Variants in DNER observed in about 807,000 individuals in gnomAD.
DNER encodes the protein delta and Notch-like epidermal growth factor-related receptor.
Under a neutral mutation model 78.2 loss-of-function variants are expected in DNER, and 33 were observed. The ratio of observed to expected loss-of-function variants is 0.42; its 90% CI spans 0.32 to 0.56. The LOEUF (loss-of-function observed/expected upper bound fraction) is 0.56, where lower values mean the gene tolerates loss of function less well. DNER is among the 20% of genes least tolerant of loss of function. The pLI is 0.11. For synonymous variants in DNER, 417 were observed against 384.8 expected (o/e 1.08, Z -0.98); for missense variants, 918 against 975.3 (o/e 0.94, Z 0.78).
Position 229,546,971 on chromosome 2 carries a change from T to C in DNER, c.969A>G (p.Gly323=). ...CCTCTGACGGCTTCGTGGTGCATTT[T>C]CCTTTTCCTGAACACTCCAAGTCAT... ...HANDLECSGK[G]KCTTKPSEAT... The change falls in exon 5 of 13, where the codon GGA becomes GGG. Residue 323 remains glycine, a synonymous_variant. Coordinates refer to ENST00000341772, the MANE Select transcript of DNER (RefSeq NM_139072.4). 6.2e-7 allele frequency: 1 copy of C among 1,614,194 alleles called. No homozygotes were observed. The highest frequency in any genetic ancestry group is 8.5e-7 in the Non-Finnish European group (1 of 1,180,018).
At chr2:229,468,249 G>A (rs1341954525) in intron 7 of DNER, among the ~76,000 whole-genome samples, 1 of 152,184 alleles carries the variant, frequency 6.6e-6, no homozygotes, top group African/African-American at 2.4e-5. Flanking sequence ...TTCCCAAAAG[G>A]ACCCCTTTCT....
intron 8 of DNER, among the ~76,000 whole-genome samples, chr2:229,430,031 T>C (rs1293177723): frequency 1.3e-5 from 2 of 152,156 alleles, no homozygotes; most frequent in East Asian, 1.9e-4. Context: ...ACTGGGTAAA[T>C]TGAATTTGCT....
chr2:229,418,722 C>A (rs1240777150), intron 8 of DNER, among the ~76,000 whole-genome samples: 3 of 152,012 alleles, frequency 2.0e-5, no homozygotes, highest in Non-Finnish European at 2.9e-5. Context: ...GAGTTCGAGA[C>A]CAGCCTGGCC....
intron 8 of DNER, among the ~76,000 whole-genome samples, chr2:229,422,631 T>G (rs1693791453): frequency 6.6e-6 from 1 of 152,086 alleles, no homozygotes; most frequent in East Asian, 1.9e-4. Flanking sequence ...CCAGTTTAAC[T>G]TTGGACGTGT....
chr2:229,420,646 T>A (rs774806108), intron 8 of DNER, among the ~76,000 whole-genome samples: 1 of 152,120 alleles, frequency 6.6e-6, no homozygotes, highest in Non-Finnish European at 1.5e-5. Flanking sequence ...GAAAATAACA[T>A]CACTAATCAA....
intron 7 of DNER, among the ~76,000 whole-genome samples, chr2:229,469,564 A>G (rs923163656): frequency 6.6e-6 from 1 of 152,240 alleles, no homozygotes; most frequent in Non-Finnish European, 1.5e-5. Context: ...CAAGGTCGCC[A>G]GGGAGTAAGT....
At chr2:229,530,468 AC>A (rs1226678336) in intron 5 of DNER, among the ~76,000 whole-genome samples, 1 of 152,178 alleles carries the variant, frequency 6.6e-6, no homozygotes, top group Non-Finnish European at 1.5e-5. Context: ...ATATCACATA[AC>A]CACTTCTGTC....
intron 8 of DNER, among the ~76,000 whole-genome samples, chr2:229,437,345 TA>T (rs1232844695): frequency 6.6e-6 from 1 of 152,222 alleles, no homozygotes; most frequent in Admixed American, 6.5e-5. Context: ...AGCTGTTCTG[TA>T]AAAGCATTCA....
intron 1 of DNER, among the ~76,000 whole-genome samples, chr2:229,693,191 G>A (rs1312719538): frequency 5.3e-5 from 8 of 151,636 alleles, no homozygotes; most frequent in Middle Eastern, 3.2e-3. Context: ...GGTTTTATAC[G>A]GGACTTTTCC....
intron 7 of DNER, among the ~76,000 whole-genome samples, chr2:229,474,468 TGTC>T (rs1402242979): frequency 2.0e-5 from 3 of 152,188 alleles, no homozygotes; most frequent in Non-Finnish European, 4.4e-5. Flanking sequence ...ATCTTCATCT[TGTC>T]AATTCCAGAG....
chr2:229,497,016 C>T (rs192782434), intron 6 of DNER, among the ~76,000 whole-genome samples: 2 of 152,240 alleles, frequency 1.3e-5, no homozygotes, highest in African/African-American at 2.4e-5. Context: ...TCTCAAGCCA[C>T]GTGGAGCATT....
At chr2:229,563,238 C>G (rs1035400748) in intron 4 of DNER, among the ~76,000 whole-genome samples, 1 of 138,338 alleles carries the variant, frequency 7.2e-6, no homozygotes, top group Non-Finnish European at 1.6e-5. Context: ...TCATCCTCCT[C>G]ACCCCATCAC....
intron 9 of DNER, among the ~76,000 whole-genome samples, chr2:229,411,972 C>G (rs1179137436): frequency 6.6e-6 from 1 of 151,918 alleles, no homozygotes; most frequent in Non-Finnish European, 1.5e-5. Context: ...CTCTTTTCTT[C>G]TAAATATTTA....
At chr2:229,549,836 G>C (rs957546996) in intron 4 of DNER, among the ~76,000 whole-genome samples, 15 of 151,068 alleles carry the variant, frequency 9.9e-5, no homozygotes, top group Non-Finnish European at 2.2e-4. Flanking sequence ...GCTTGAACCC[G>C]GGAGGCAGAG....
chr2:229,674,365 G>A (rs779297922), intron 1 of DNER, among the ~76,000 whole-genome samples: 3 of 152,122 alleles, frequency 2.0e-5, no homozygotes, highest in Non-Finnish European at 2.9e-5. Flanking sequence ...TGCAACCTCC[G>A]CCTCCTGGGT....
intron 9 of DNER, 35 bp downstream of exon 9, chr2:229,418,073 C>G: frequency 6.2e-7 from 1 of 1,613,878 alleles, no homozygotes; most frequent in Non-Finnish European, 8.5e-7. Context: ...TCATTTAGAG[C>G]CATTCTGGCA....
At chr2:229,486,436 A>T (rs963397026) in intron 6 of DNER, among the ~76,000 whole-genome samples, 9 of 152,210 alleles carry the variant, frequency 5.9e-5, no homozygotes, top group African/African-American at 1.7e-4. Context: ...TGGGGAAAAA[A>T]GTAACCACAT....
intron 6 of DNER, among the ~76,000 whole-genome samples, chr2:229,487,493 T>C (rs776876266): frequency 1.1e-4 from 17 of 152,244 alleles, no homozygotes; most frequent in Admixed American, 4.6e-4. Flanking sequence ...GGGAAGATAT[T>C]TCATTAAGTA....
chr2:229,413,409 G>A (rs982518419), intron 9 of DNER, among the ~76,000 whole-genome samples: 13 of 128,946 alleles, frequency 1.0e-4, no homozygotes, highest in South Asian at 7.8e-4. Flanking sequence ...TGCAATCTCC[G>A]CCTCCCGGGT....
Sources: allele counts gnomAD v4.1 joint callset (sites outside exome capture counted in the v4.1 genomes callset), GRCh38; gene constraint gnomAD v4.1.1; transcripts MANE v1.5; gene names NCBI Gene and HGNC (gene_info 2026-07-23, HGNC 2026-07-21).